ATP2B2: variants seen among roughly 807,000 people sequenced by gnomAD.
The protein encoded by ATP2B2 is plasma membrane calcium-transporting ATPase 2.
Under a neutral mutation model 120.0 loss-of-function variants are expected in ATP2B2, and 15 were observed. The ratio of observed to expected loss-of-function variants is 0.12; its 90% confidence interval spans 0.08 to 0.19. ATP2B2 has a LOEUF of 0.19. Among genes scored for constraint, ATP2B2 ranks in the 10% least tolerant of loss-of-function variants. The pLI is 1.00. For synonymous variants in ATP2B2, 694 were observed against 700.3 expected (o/e 0.99, Z 0.14); for missense variants, 1,045 against 1,719.8 (o/e 0.61, Z 6.94).
chr3:10,672,880 A>ACG (rs2071135315), intron 1 of ATP2B2, among the ~76,000 whole-genome samples: 1 of 152,194 alleles, frequency 6.6e-6, no homozygotes, highest in Non-Finnish European at 1.5e-5. Flanking sequence ...GAGGGGATCC[A>ACG]CGCTGACATC....
chr3:10,600,506 T>A (rs1286460394), intron 2 of ATP2B2, among the ~76,000 whole-genome samples: 2 of 152,182 alleles, frequency 1.3e-5, no homozygotes, highest in South Asian at 2.1e-4. Context: ...TAAAATGGAA[T>A]CACAGTTCAC....
At chr3:10,680,040 G>A (rs1424004480) in intron 1 of ATP2B2, among the ~76,000 whole-genome samples, 1 of 152,216 alleles carries the variant, frequency 6.6e-6, no homozygotes, top group Admixed American at 6.5e-5. Context: ...ACCTAGAAAA[G>A]GATCTGGCAC....
intron 1 of ATP2B2, among the ~76,000 whole-genome samples, chr3:10,638,442 T>TA (rs1021633153): frequency 9.9e-5 from 15 of 151,732 alleles, no homozygotes; most frequent in African/African-American, 3.1e-4. Context: ...TGTGATAAGT[T>TA]AAAAAAAACC....
At chr3:10,487,290 A>C (rs939100692) in intron 1 of ATP2B2, among the ~76,000 whole-genome samples, 2 of 152,160 alleles carry the variant, frequency 1.3e-5, no homozygotes, top group Admixed American at 1.3e-4. Flanking sequence ...ACACACAGAC[A>C]AACACAGATA....
At chr3:10,705,281 G>C (rs2125722712) in intron 1 of ATP2B2, among the ~76,000 whole-genome samples, 1 of 152,216 alleles carries the variant, frequency 6.6e-6, no homozygotes, top group East Asian at 1.9e-4. Context: ...TGCTGTTTCA[G>C]ACCTAACTCT....
chr3:10,574,589 TTTC>T (rs2068201723), intron 2 of ATP2B2, among the ~76,000 whole-genome samples: 1 of 152,216 alleles, frequency 6.6e-6, no homozygotes, highest in Non-Finnish European at 1.5e-5. Context: ...TAATTATTAG[TTTC>T]TTTTTTCCTT....
intron 5 of ATP2B2, among the ~76,000 whole-genome samples, chr3:10,399,342 A>G (rs1167687057): frequency 6.6e-6 from 1 of 152,170 alleles, no homozygotes; most frequent in Non-Finnish European, 1.5e-5. Context: ...TGCACTTGCT[A>G]TCTCTCTGCC....
intron 1 of ATP2B2, among the ~76,000 whole-genome samples, chr3:10,649,940 T>A (rs1439121094): frequency 6.6e-6 from 1 of 152,212 alleles, no homozygotes; most frequent in Non-Finnish European, 1.5e-5. Context: ...GTAAGTCCAA[T>A]GGACGTCTTT....
chr3:10,375,544 G>C lies in ATP2B2; in HGVS notation c.1302C>G (p.Pro434=). 6.2e-7 allele frequency: 1 copy of C among 1,613,632 alleles called. No homozygotes were observed. Among genetic ancestry groups the C allele is most frequent in the Admixed American group, 1.7e-5 (1 of 60,022 alleles). Residue 434 remains proline (P), a synonymous_variant, in exon 11 of 23, where the codon CCC becomes CCG. Coordinates refer to ENST00000360273, the MANE Select transcript of ATP2B2 (RefSeq NM_001001331.4). This position sits in a 1 kb window ranked among gnomAD's most constrained non-coding sequence, Gnocchi z 4.2. ...ACTTGACAAAGTACTGCACGTAGAC[G>C]GGCGTGCACTCAGGCAGCCACGGCT... ...NKKPWLPECT[P]VYVQYFVKFF... is the part of the protein sequence containing the mutation.
chr3:10,445,521 C>G (rs560397846), intron 2 of ATP2B2, among the ~76,000 whole-genome samples: 1 of 152,170 alleles, frequency 6.6e-6, no homozygotes, highest in Non-Finnish European at 1.5e-5. Flanking sequence ...CACAGGGGGG[C>G]AGGTTTACCC....
rs2063955969 is a variant in ATP2B2, at chr3:10,449,456, C to G, written c.88G>C (p.Glu30Gln). 6.2e-7 allele frequency: 1 copy of G among 1,614,122 alleles called. No individual in the cohort carries two copies. The highest frequency in any genetic ancestry group is 1.3e-5 in the African/African-American group (1 of 74,946). ...CGCAGCTCCATGAGGGAGCGGAGCT[C>G]CTCCATTGTGCACCCGAACTCGCCC... Reference protein sequence around the residue: ...HGGEFGCTMEELRSLMELRGT... With the variant: ...HGGEFGCTMEQLRSLMELRGT... Residue 30 changes from glutamate (E) to glutamine (Q), a missense_variant, in exon 2 of 23, where the codon GAG becomes CAG. This residue lies in a region of ATP2B2 where 139 missense variants were observed against 134.2 expected (regional missense o/e 1.04). Coordinates refer to ENST00000360273, the MANE Select transcript of ATP2B2 (RefSeq NM_001001331.4).
chr3:10,661,049 C>G (rs561576926), intron 1 of ATP2B2, among the ~76,000 whole-genome samples: 9 of 152,220 alleles, frequency 5.9e-5, no homozygotes, highest in Admixed American at 2.0e-4. Flanking sequence ...ATTCAACAGC[C>G]CTTCATGCTG....
intron 2 of ATP2B2, among the ~76,000 whole-genome samples, chr3:10,429,520 C>A (rs966275077): frequency 7.2e-5 from 11 of 152,302 alleles, no homozygotes; most frequent in African/African-American, 2.4e-4. Context: ...ACAAACCATG[C>A]CCATATCAGA....
At chr3:10,653,829 C>G (rs1410980271) in intron 1 of ATP2B2, among the ~76,000 whole-genome samples, 2 of 152,188 alleles carry the variant, frequency 1.3e-5, no homozygotes, top group African/African-American at 2.4e-5. Flanking sequence ...GCTGAGCAGA[C>G]CCTACAGCAC....
chr3:10,686,549 G>A (rs1212579760), intron 1 of ATP2B2, among the ~76,000 whole-genome samples: 1 of 152,038 alleles, frequency 6.6e-6, no homozygotes, highest in Non-Finnish European at 1.5e-5. Flanking sequence ...AGCTACTCGG[G>A]AGGCTGAGGC....
chr3:10,546,198 C>T (rs931849861), intron 2 of ATP2B2, among the ~76,000 whole-genome samples: 8 of 152,324 alleles, frequency 5.3e-5, no homozygotes, highest in African/African-American at 1.7e-4. Flanking sequence ...CTCTTCCACA[C>T]CCATCTCTCA....
chr3:10,400,002 T>C (rs570246050), intron 5 of ATP2B2, among the ~76,000 whole-genome samples: 1 of 152,154 alleles, frequency 6.6e-6, no homozygotes, highest in South Asian at 2.1e-4. Flanking sequence ...CACTGGTGGG[T>C]TGGGGGTGGA....
intron 1 of ATP2B2, among the ~76,000 whole-genome samples, chr3:10,706,564 C>T (rs776608401): frequency 1.1e-4 from 16 of 152,132 alleles, no homozygotes; most frequent in Non-Finnish European, 2.1e-4. Flanking sequence ...GGTGCTGCCC[C>T]CTACCAGCCC....
rs372159079 is a variant in ATP2B2, at chr3:10,683,748, A to ATGTGTGTGTGTGTGTGTGTGTG, written c.-460+24166_-460+24167insCACACACACACACACACACACA. The stretch of plus-strand genomic sequence containing the variant: ...TGTGTGTATATATATGTGTATATAT[A>ATGTGTGTGTGTGTGTGTGTGTG]TGTGTGTGTGTGTATATATATATAT... On this transcript the variant is annotated intron_variant, in intron 1 of 21. Transcript: ENST00000646379. Among the ~76,000 whole-genome samples the ATGTGTGTGTGTGTGTGTGTGTG allele has an allele frequency of 1.0e-4, 6 of 57,328 alleles. 1 individual carries two copies. Among genetic ancestry groups the ATGTGTGTGTGTGTGTGTGTGTG allele is most frequent in the African/African-American group, 4.2e-4 (6 of 14,374 alleles). The allele number at this position is 57,328 out of a possible 152,430, so 37.6% of individuals were successfully genotyped here.
Sources: gnomAD v4.1 joint callset for allele counts (sites outside exome capture counted in the v4.1 genomes callset) on GRCh38, gnomAD v4.1.1 for gene constraint, gnomAD v4.1.1 regional missense constraint, Gnocchi (gnomAD v3.1) non-coding constraint, MANE v1.5 for transcripts, NCBI Gene and HGNC (gene_info 2026-07-23, HGNC 2026-07-21) for gene names.